Variants in DOCK2 observed in about 807,000 individuals in gnomAD.
DOCK2 encodes dedicator of cytokinesis 2, also known as dedicator of cytokinesis protein 2.
Under a neutral mutation model 248.9 loss-of-function variants are expected in DOCK2, and 87 were observed. The observed-to-expected ratio is 0.35, with a 90% CI of 0.29 to 0.42. The LOEUF (loss-of-function observed/expected upper bound fraction) is 0.42, where lower values mean the gene tolerates loss of function less well. Among genes scored for constraint, DOCK2 ranks in the 10% least tolerant of loss-of-function variants. The pLI is 1.00. For synonymous variants in DOCK2, 805 were observed against 821.6 expected, an observed-to-expected ratio of 0.98 and a Z score of 0.35; for missense variants, 1,747 against 2,300.2, an observed-to-expected ratio of 0.76 and a Z score of 4.92.
intron 25 of DOCK2, among the ~76,000 whole-genome samples, chr5:169,789,843 A>G (rs1766218897): frequency 6.6e-6 from 1 of 152,206 alleles, no homozygotes; most frequent in East Asian, 1.9e-4. Flanking sequence ...CCAGCGGATA[A>G]ATTCTTCCCA....
Position 169,853,184 on chromosome 5 carries a change from A to T in DOCK2, c.2799+12332A>T, listed in dbSNP as rs139731410. 2.3e-4 allele frequency among the ~76,000 whole-genome samples: 35 copies of T among 152,348 alleles called. No individual in the cohort carries two copies. In the East Asian group the frequency reaches 6.7e-3, roughly 29 times the overall value. On this transcript the variant is annotated intron_variant, in intron 27 of 51. Coordinates refer to ENST00000520908, the MANE Select transcript of DOCK2 (RefSeq NM_004946.3). The stretch of plus-strand genomic sequence containing the variant: ...GATGTGCCTTTTATCTTCCACCATG[A>T]TTGGGAGGACTCCCCAGCCAAGTGG...
chr5:169,822,273 A>G (rs181444832), intron 26 of DOCK2, among the ~76,000 whole-genome samples: 204 of 152,380 alleles, frequency 1.3e-3, no homozygotes, highest in Non-Finnish European at 2.2e-3. Context: ...CAGACCTAAT[A>G]GACATCTACA....
intron 2 of DOCK2, among the ~76,000 whole-genome samples, chr5:169,658,043 T>TA (rs989530005): frequency 2.0e-4 from 30 of 151,898 alleles, no homozygotes; most frequent in Non-Finnish European, 4.0e-4. Flanking sequence ...AACATGGAAT[T>TA]AAAAAAAATA....
At chr5:169,903,063 A>C (rs1181879944) in intron 27 of DOCK2, among the ~76,000 whole-genome samples, 2 of 151,308 alleles carry the variant, frequency 1.3e-5, no homozygotes, top group Non-Finnish European at 2.9e-5. Context: ...ACGCCACTGT[A>C]CTCCAGCCTG....
chr5:170,081,557 A>G, intron 50 of DOCK2: 1 of 419,856 alleles, frequency 2.4e-6, no homozygotes, highest in Non-Finnish European at 4.3e-6. Flanking sequence ...GCCTTGGAGC[A>G]GAAGGTTCTG....
intron 27 of DOCK2, among the ~76,000 whole-genome samples, chr5:169,912,104 A>G (rs1774627954): frequency 6.6e-6 from 1 of 152,078 alleles, no homozygotes; most frequent in Non-Finnish European, 1.5e-5. Flanking sequence ...CCACTGAGCC[A>G]CTCTTGGTGA....
chr5:169,695,947 C>T lies in DOCK2; in HGVS notation c.979+9C>T, dbSNP rs1266686611. 1.3e-6 allele frequency: 2 copies of T among 1,583,780 alleles called. No homozygotes were observed. The highest frequency in any genetic ancestry group is 2.7e-5 in the African/African-American group (2 of 73,226). On this transcript the variant is annotated intron_variant, in intron 10 of 51. Coordinates refer to ENST00000520908, the MANE Select transcript of DOCK2 (RefSeq NM_004946.3). Reference sequence around the variant, plus strand: ...GCCCTTTGGGGTGGCAGGTAAGGGGCACACTCTGCATCATTGATTTTTATG... The same window carrying T: ...GCCCTTTGGGGTGGCAGGTAAGGGGTACACTCTGCATCATTGATTTTTATG...
chr5:169,887,532 G>T (rs1032851106), intron 27 of DOCK2, among the ~76,000 whole-genome samples: 2 of 152,176 alleles, frequency 1.3e-5, no homozygotes, highest in African/African-American at 4.8e-5. Flanking sequence ...ACAACCTGGA[G>T]AAAGTTACAC....
chr5:169,900,770 C>T (rs140798346), intron 27 of DOCK2, among the ~76,000 whole-genome samples: 7 of 151,984 alleles, frequency 4.6e-5, no homozygotes, highest in Non-Finnish European at 7.4e-5. Context: ...GAGGGAGAGC[C>T]GCAAAGAAGC....
Position 169,669,273 on chromosome 5 carries a change from G to A in DOCK2, c.128-15G>A. The A allele has an allele frequency of 6.2e-7, 1 of 1,613,046 alleles. No individual in the cohort carries two copies. Among genetic ancestry groups the A allele is most frequent in the Non-Finnish European group, 8.5e-7 (1 of 1,179,704 alleles). On this transcript the variant is annotated splice_polypyrimidine_tract_variant and intron_variant, in intron 2 of 51. Transcript: ENST00000520908. ...TAATAAATGAGGGAACTGTTTCTTT[G>A]TTTTCTTTTTGCAGACTGGTATAGG...
intron 27 of DOCK2, among the ~76,000 whole-genome samples, chr5:169,910,858 C>T (rs551029213): frequency 6.6e-6 from 1 of 152,328 alleles, no homozygotes; most frequent in African/African-American, 2.4e-5. Context: ...CTCTCCAGCC[C>T]ACCTAGTCGG....
chr5:169,900,816 T>A (rs945594084), intron 27 of DOCK2, among the ~76,000 whole-genome samples: 7 of 152,146 alleles, frequency 4.6e-5, no homozygotes, highest in African/African-American at 1.7e-4. Flanking sequence ...TATTTCCTCC[T>A]ATTACCAAGA....
At chr5:169,804,263 T>A (rs1490899331) in intron 26 of DOCK2, among the ~76,000 whole-genome samples, 2 of 152,214 alleles carry the variant, frequency 1.3e-5, no homozygotes, top group African/African-American at 2.4e-5. Context: ...ACCATCCCAA[T>A]TAAGCCGCTT....
chr5:169,770,779 T>C (rs567261897), intron 25 of DOCK2, among the ~76,000 whole-genome samples: 1 of 152,364 alleles, frequency 6.6e-6, no homozygotes, highest in African/African-American at 2.4e-5. Flanking sequence ...ATATTACTGA[T>C]TGCTGGAGTT....
intron 23 of DOCK2, among the ~76,000 whole-genome samples, chr5:169,753,891 G>A (rs1010483297): frequency 8.5e-5 from 13 of 152,164 alleles, no homozygotes; most frequent in African/African-American, 2.4e-4. Context: ...CTGTGACATC[G>A]TTTTTCCAGT....
intron 27 of DOCK2, among the ~76,000 whole-genome samples, chr5:169,953,332 CAAA>C (rs576183648): frequency 4.0e-5 from 5 of 123,486 alleles, no homozygotes; most frequent in Admixed American, 1.6e-4. Context: ...GACTCTATCT[CAAA>C]AAAAAAAAAA....
chr5:169,782,213 G>A (rs1200540499), intron 25 of DOCK2, among the ~76,000 whole-genome samples: 3 of 152,154 alleles, frequency 2.0e-5, no homozygotes, highest in Non-Finnish European at 4.4e-5. Context: ...GGTTCAGCAG[G>A]AAAAGGAGAG....
intron 2 of DOCK2, among the ~76,000 whole-genome samples, chr5:169,661,938 A>G (rs1049353505): frequency 6.6e-6 from 1 of 152,190 alleles, no homozygotes; most frequent in East Asian, 1.9e-4. Context: ...GTATAGACAT[A>G]TTTGCAAGAC....
intron 42 of DOCK2, chr5:170,056,379 G>C (rs1228198220): frequency 1.2e-5 from 3 of 254,530 alleles, no homozygotes; most frequent in Non-Finnish European, 2.2e-5. Context: ...CTTTGTTGCA[G>C]ATCACAGGAA....
Sources: gnomAD v4.1 joint callset for allele counts (sites outside exome capture counted in the v4.1 genomes callset) on GRCh38, gnomAD v4.1.1 for gene constraint, MANE v1.5 for transcripts, NCBI Gene and HGNC (gene_info 2026-07-23, HGNC 2026-07-21) for gene names.